Variants in DAPK1 observed in about 807,000 individuals in gnomAD.
The protein encoded by DAPK1 is death-associated protein kinase 1.
A neutral mutation model predicts 144.9 loss-of-function variants in DAPK1; 56 were observed. The ratio of observed to expected loss-of-function variants is 0.39; its 90% CI spans 0.31 to 0.48. DAPK1 has a LOEUF of 0.48. Ranked by LOEUF, DAPK1 falls within the 20% of genes least tolerant of loss-of-function variation. The pLI, the probability that DAPK1 is intolerant of heterozygous loss-of-function variation, is 0.95. For missense variants in DAPK1, 1,454 were observed against 1,875.4 expected (o/e 0.78, Z 4.15); for synonymous variants, 690 against 749.0 (o/e 0.92, Z 1.29).
intron 2 of DAPK1, among the ~76,000 whole-genome samples, chr9:87,604,003 C>T (rs1159871926): frequency 1.3e-5 from 2 of 152,132 alleles, no homozygotes; most frequent in African/African-American, 2.4e-5. Flanking sequence ...TGGCTTATGT[C>T]GCTGAAACAT....
At chr9:87,605,264 C>G in intron 3 of DAPK1, 89 bp downstream of exon 3, 1 of 1,080,426 alleles carries the variant, frequency 9.3e-7, no homozygotes, top group South Asian at 1.4e-5. Flanking sequence ...ACAGCGAGCC[C>G]GAGAGAGGGA....
intron 2 of DAPK1, among the ~76,000 whole-genome samples, chr9:87,570,539 C>G (rs962784756): frequency 4.6e-5 from 7 of 152,064 alleles, no homozygotes; most frequent in African/African-American, 1.7e-4. Flanking sequence ...AAAAAAAACC[C>G]AAAAAGCCAG....
At chr9:87,601,164 A>G (rs969225563) in intron 2 of DAPK1, among the ~76,000 whole-genome samples, 1 of 152,208 alleles carries the variant, frequency 6.6e-6, no homozygotes, top group Non-Finnish European at 1.5e-5. Flanking sequence ...CAACAGTCCA[A>G]TTCAAATTAG....
chr9:87,620,274 T>C (rs1402508822), intron 3 of DAPK1, among the ~76,000 whole-genome samples: 1 of 152,178 alleles, frequency 6.6e-6, no homozygotes, highest in Non-Finnish European at 1.5e-5. Flanking sequence ...AGAAAACGTG[T>C]GACAGCCTTA....
intron 3 of DAPK1, among the ~76,000 whole-genome samples, chr9:87,623,851 G>A (rs1829396167): frequency 6.6e-6 from 1 of 152,106 alleles, no homozygotes; most frequent in African/African-American, 2.4e-5. Flanking sequence ...GGCCTGAGGA[G>A]CAAAACCCCT....
chr9:87,657,239 G>T (rs190066453), intron 17 of DAPK1, among the ~76,000 whole-genome samples: 54 of 152,226 alleles, frequency 3.5e-4, no homozygotes, highest in Admixed American at 2.3e-3. Context: ...ACACATAAAC[G>T]GAAAGAAAAC....
chr9:87,646,898 G>A (rs2119162258), intron 13 of DAPK1, among the ~76,000 whole-genome samples: 1 of 152,264 alleles, frequency 6.6e-6, no homozygotes, highest in African/African-American at 2.4e-5. Context: ...AAATTTGTTT[G>A]CCTGCTTCTG....
chr9:87,514,863 A>G lies in DAPK1; in HGVS notation c.62+15724A>G, dbSNP rs150514717. The stretch of plus-strand genomic sequence containing the variant: ...TCCTCGTGACTGCATTAAGAAGAAA[A>G]TACAGCTTTTGTCTATACCATAGAA... On this transcript the variant is annotated intron_variant, in intron 2 of 25. Coordinates refer to ENST00000408954, the MANE Select transcript of DAPK1 (RefSeq NM_004938.4). Among the ~76,000 whole-genome samples, 7 of 152,338 alleles carry G rather than the reference A, an allele frequency of 4.6e-5. No individual in the cohort carries two copies. In the East Asian group the frequency reaches 1.4e-3, roughly 29 times the overall value.
intron 18 of DAPK1, among the ~76,000 whole-genome samples, chr9:87,658,675 G>A (rs1208827008): frequency 6.6e-6 from 1 of 152,204 alleles, no homozygotes; most frequent in African/African-American, 2.4e-5. Flanking sequence ...GCCAGACCTA[G>A]CACCTCCCTG....
At chr9:87,536,428 A>G (rs547639652) in intron 2 of DAPK1, among the ~76,000 whole-genome samples, 2 of 152,174 alleles carry the variant, frequency 1.3e-5, no homozygotes, top group East Asian at 1.9e-4. Context: ...GAAATACTTA[A>G]AGCTCTTATC....
At position 87,707,394 on chromosome 9, in the gene DAPK1, T is replaced by G; in HGVS notation, c.*30T>G. 1 of 1,504,256 alleles carries G rather than the reference T, an allele frequency of 6.6e-7. No individual in the cohort carries two copies. Among genetic ancestry groups the G allele is most frequent in the Non-Finnish European group, 9.1e-7 (1 of 1,100,294 alleles). The allele number at this position is 1,504,256 out of a possible 1,614,324, so 93.2% of individuals were successfully genotyped here. A position where few individuals can be genotyped will look rare whatever the true frequency, so the allele number is the denominator to read the frequency against. ...AGCCTCTGGCTTGGGCAGGGTCTGTTTGGACTGCAGAAGCAAGGGGGTGAT... is the reference window on the plus strand; with the variant it reads ...AGCCTCTGGCTTGGGCAGGGTCTGTGTGGACTGCAGAAGCAAGGGGGTGAT... On this transcript the variant is annotated 3_prime_UTR_variant, in exon 26 of 26. Coordinates refer to ENST00000408954, the MANE Select transcript of DAPK1 (RefSeq NM_004938.4). This position sits in a 1 kb window ranked among gnomAD's most constrained non-coding sequence, Gnocchi z 4.0.
At chr9:87,655,078 A>G (rs1013654534) in intron 17 of DAPK1, among the ~76,000 whole-genome samples, 1 of 152,230 alleles carries the variant, frequency 6.6e-6, no homozygotes, top group African/African-American at 2.4e-5. Flanking sequence ...GAGCAGCTGT[A>G]CATAGAGGGC....
At chr9:87,554,722 AG>A (rs1343635552) in intron 2 of DAPK1, among the ~76,000 whole-genome samples, 1 of 152,180 alleles carries the variant, frequency 6.6e-6, no homozygotes, top group Non-Finnish European at 1.5e-5. Flanking sequence ...AAATGAGCAA[AG>A]TGCCATCAGC....
intron 2 of DAPK1, among the ~76,000 whole-genome samples, chr9:87,539,451 A>G: frequency 1.8e-5 from 1 of 55,436 alleles, no homozygotes. Flanking sequence ...TTTTTTTGAG[A>G]CAGAGTCTCG....
At chr9:87,537,454 G>A (rs555860895) in intron 2 of DAPK1, among the ~76,000 whole-genome samples, 1 of 152,162 alleles carries the variant, frequency 6.6e-6, no homozygotes, top group Admixed American at 6.5e-5. Flanking sequence ...TGTGGTATGT[G>A]TATGTATACT....
Position 87,706,679 on chromosome 9 carries a change from C to T in DAPK1, c.3608C>T (p.Thr1203Met), listed in dbSNP as rs764456950. Residue 1203 changes from threonine to methionine, a missense_variant, in exon 26 of 26, where the codon ACG (threonine) becomes ATG (methionine). By Grantham distance (81) the Thr-to-Met change is moderately conservative. Around this residue, in one of 2 missense-constraint regions of DAPK1, gnomAD observed 1,025 missense variants for 1,237.9 expected, o/e 0.83. Coordinates refer to ENST00000408954, the MANE Select transcript of DAPK1 (RefSeq NM_004938.4). The surrounding 1 kb of genome is among the most constrained non-coding windows in gnomAD (Gnocchi z 9.0). ...GAGGTCCAGGTCCGCGGCCTGGAGA[C>T]GGAGAAGATCAAGTGCTGCCTGCTG... ...GIEVQVRGLE[T>M]EKIKCCLLLD... The T allele has an allele frequency of 1.8e-5, 29 of 1,611,378 alleles. No individual in the cohort carries two copies. The highest frequency in any genetic ancestry group is 2.2e-5 in the East Asian group (1 of 44,866).
In DAPK1 at chr9:87,639,336, C is replaced by A. The variant is rs1333077772; in HGVS notation, c.424-18C>A. 1 of 1,566,932 alleles carries A rather than the reference C, an allele frequency of 6.4e-7. No individual in the cohort carries two copies. Among genetic ancestry groups the A allele is most frequent in the Non-Finnish European group, 8.6e-7 (1 of 1,161,880 alleles). ...TAACATATCATAGCTTTTTATTTAT[C>A]TCTCTCTTTTTTTCAAGCCTGAGAA... On this transcript the variant is annotated intron_variant, in intron 4 of 25. Transcript: ENST00000408954.
At chr9:87,520,321 C>T (rs1331936744) in intron 2 of DAPK1, among the ~76,000 whole-genome samples, 1 of 152,150 alleles carries the variant, frequency 6.6e-6, no homozygotes, top group East Asian at 1.9e-4. Flanking sequence ...GAATTAGCCT[C>T]CTCGCACTCT....
intron 2 of DAPK1, among the ~76,000 whole-genome samples, chr9:87,552,599 C>CT (rs1035639818): frequency 3.3e-5 from 5 of 150,214 alleles, no homozygotes; most frequent in South Asian, 2.1e-4. Flanking sequence ...AAATGTACCT[C>CT]TTTTTTTTTG....
Sources: gnomAD v4.1 joint callset for allele counts (sites outside exome capture counted in the v4.1 genomes callset) on GRCh38, gnomAD v4.1.1 for gene constraint, gnomAD v4.1.1 regional missense constraint, Gnocchi (gnomAD v3.1) non-coding constraint, MANE v1.5 for transcripts, NCBI Gene and HGNC (gene_info 2026-07-23, HGNC 2026-07-21) for gene names.